ITGA7: variants seen among roughly 807,000 people sequenced by gnomAD.
ITGA7 encodes the protein integrin subunit alpha 7.
In ITGA7, 84 loss-of-function variants were observed where a neutral mutation model predicts 131.6. The ratio of observed to expected loss-of-function variants is 0.64; its 90% CI spans 0.54 to 0.77. The LOEUF is 0.77. ITGA7 is among the 30% of genes least tolerant of loss of function. The pLI is 0.00. For missense variants in ITGA7, 1,399 were observed against 1,482.9 expected (o/e 0.94, Z 0.93); for synonymous variants, 548 against 600.7 (o/e 0.91, Z 1.28).
At chr12:55,707,332 G>C (rs7304662) in intron 1 of ITGA7, 145 bp downstream of exon 1, 9 of 682,904 alleles carry the variant, frequency 1.3e-5, no homozygotes, top group Non-Finnish European at 2.3e-5. Context: ...GATGAGGCAA[G>C]GCTCCAGGTT....
chr12:55,685,651 G>C (rs940711882), intron 24 of ITGA7, among the ~76,000 whole-genome samples: 8 of 152,202 alleles, frequency 5.3e-5, no homozygotes, highest in Admixed American at 5.2e-4. Context: ...CAAGACCTGA[G>C]GAAGAAAATG....
intron 21 of ITGA7, 76 bp from the exon 22 acceptor site, chr12:55,689,033 T>A: frequency 8.6e-7 from 1 of 1,160,884 alleles, no homozygotes; most frequent in South Asian, 1.3e-5. Context: ...CCATTTTCCT[T>A]ACTTGACCTC....
At chr12:55,708,089 C>T, upstream of ITGA7, 1 of 955,408 alleles carries the variant, frequency 1.0e-6, no homozygotes, top group South Asian at 4.8e-5. Flanking sequence ...CCGTCTCCGG[C>T]TCCGCCCCTG....
chr12:55,699,714 G>T, intron 5 of ITGA7, 156 bp downstream of exon 5: 1 of 995,480 alleles, frequency 1.0e-6, no homozygotes, highest in Non-Finnish European at 1.5e-6. Context: ...CTGATCATTG[G>T]ACCCAGCTCT....
upstream of ITGA7, among the ~76,000 whole-genome samples, chr12:55,708,499 G>T (rs974876246): frequency 6.6e-6 from 1 of 152,050 alleles, no homozygotes; most frequent in Non-Finnish European, 1.5e-5. Context: ...AGAAAAAGAG[G>T]CAAGAAGAGA....
intron 24 of ITGA7, chr12:55,686,124 G>T: frequency 1.3e-6 from 1 of 780,024 alleles, no homozygotes; most frequent in Non-Finnish European, 1.9e-6. Context: ...CTGATCCCCT[G>T]AATGCTGGGA....
rs1179590431 is a variant in ITGA7, at chr12:55,697,832, CA to C, written c.1282-11del. 1 of 1,613,962 alleles carries C rather than the reference CA, an allele frequency of 6.2e-7. No individual in the cohort carries two copies. Among genetic ancestry groups the C allele is most frequent in the Non-Finnish European group, 8.5e-7 (1 of 1,180,014 alleles). On this transcript the variant is annotated splice_polypyrimidine_tract_variant and intron_variant, in intron 8 of 24. Transcript: ENST00000257879. ...CCTCGCCCTCCAGCACCTAGAGAAC[CA>C]GCTGTCAGCCTCCCTCAATCCCACC...
Position 55,698,413 on chromosome 12 carries a change from G to C in ITGA7, c.1162C>G (p.Leu388Val), listed in dbSNP as rs530060949. 3 of 1,613,594 alleles carry C rather than the reference G, an allele frequency of 1.9e-6. No individual in the cohort carries two copies. Among genetic ancestry groups the C allele is most frequent in the Non-Finnish European group, 2.5e-6 (3 of 1,179,704 alleles). Reference protein sequence around the residue: ...DSMFGISLAVLGDLNQDGFPD... With the variant: ...DSMFGISLAVVGDLNQDGFPD... ...AAGCCATCTTGGTTGAGGTCCCCCA[G>C]GACAGCCAGGCTGATCCCGAACATG... The change falls in exon 7 of 25, where the codon CTG becomes GTG. Residue 388 changes from leucine to valine, a missense_variant. Transcript: ENST00000257879.
chr12:55,688,093 G>T lies in ITGA7; in HGVS notation c.3061C>A (p.Pro1021Thr). 6.2e-7 allele frequency: 1 copy of T among 1,614,132 alleles called. No homozygotes were observed. The highest frequency in any genetic ancestry group is 2.2e-5 in the East Asian group (1 of 44,870). ...LMLRDASTVI[P>T]VMVYLDPMAV... Reference sequence around the variant, plus strand: ...ATGGGGTCCAAGTATACCATCACTGGGATCTGGGGAGCAAGGGGTCAATGG... The same window carrying T: ...ATGGGGTCCAAGTATACCATCACTGTGATCTGGGGAGCAAGGGGTCAATGG... Residue 1021 changes from proline (P) to threonine (T), a missense_variant, in exon 24 of 25, where the codon CCA (proline) becomes ACA (threonine). Transcript: ENST00000257879.
intron 21 of ITGA7, 131 bp downstream of exon 21, chr12:55,692,713 C>T: frequency 2.5e-6 from 3 of 1,220,306 alleles, no homozygotes; most frequent in East Asian, 2.6e-5. Context: ...CTCCCGGGCA[C>T]CCCCTCCTAT....
chr12:55,685,631 A>T (rs1301498095), intron 24 of ITGA7, among the ~76,000 whole-genome samples: 1 of 152,184 alleles, frequency 6.6e-6, no homozygotes, highest in Non-Finnish European at 1.5e-5. Context: ...AGTGTCCCCC[A>T]GAACACAAAC....
intron 19 of ITGA7, 52 bp from the exon 20 acceptor site, chr12:55,693,369 T>C: frequency 1.3e-6 from 2 of 1,487,940 alleles, no homozygotes; most frequent in South Asian, 1.2e-5. Context: ...TCTTTTTTTT[T>C]TTTTTTTAAT....
At chr12:55,714,517 C>CAAAAAAAAAAAAAAAAAAA (rs35046301), upstream of ITGA7, among the ~76,000 whole-genome samples, 4 of 120,482 alleles carry the variant, frequency 3.3e-5, no homozygotes, top group African/African-American at 1.7e-4. Flanking sequence ...GACTCCGTCT[C>CAAAAAAAAAAAAAAAAAAA]AAAAAAAAAA....
intron 14 of ITGA7, 33 bp downstream of exon 14, chr12:55,695,489 T>TC: frequency 1.1e-6 from 1 of 942,526 alleles, no homozygotes; most frequent in Non-Finnish European, 1.7e-6. Context: ...ACTCTTGCCC[T>TC]CCCACCCCCA....
At chr12:55,714,381 A>C (rs1431325355), upstream of ITGA7, among the ~76,000 whole-genome samples, 96 of 150,944 alleles carry the variant, frequency 6.4e-4, no homozygotes, top group East Asian at 0.017. Context: ...AGCCGGGCGT[A>C]GTGGCGGGCG....
chr12:55,715,036 T>G (rs1374679316), upstream of ITGA7, among the ~76,000 whole-genome samples: 1 of 152,068 alleles, frequency 6.6e-6, no homozygotes, highest in Admixed American at 6.5e-5. Flanking sequence ...AAATTTTGTA[T>G]TTTTAGTAGA....
rs766173576 is a variant in ITGA7, at chr12:55,703,171, C to A, written c.214G>T (p.Val72Leu). The A allele has an allele frequency of 6.2e-7, 1 of 1,610,088 alleles. No homozygotes were observed. Among genetic ancestry groups the A allele is most frequent in the Non-Finnish European group, 8.5e-7 (1 of 1,179,948 alleles). Reference protein sequence around the residue: ...LQPRPQSWLLVGAPQALALPG... With the variant: ...LQPRPQSWLLLGAPQALALPG... ...AGAGCCAGGGCCTGGGGAGCACCCA[C>A]CAGCAGCCTGCAAGATGGGGCAGGG... The change falls in exon 2 of 25, where the codon GTG (valine) becomes TTG (leucine). Residue 72 changes from valine to leucine, a missense_variant. By Grantham distance (32) the Val-to-Leu change is conservative (BLOSUM62 1). Coordinates refer to ENST00000257879, the MANE Select transcript of ITGA7 (RefSeq NM_002206.3).
intron 4 of ITGA7, chr12:55,700,369 GCA>G (rs1873708507): frequency 6.2e-7 from 1 of 1,609,316 alleles, no homozygotes; most frequent in Non-Finnish European, 8.5e-7. Context: ...TGAGCCCTGT[GCA>G]CAGAGCTCCA....
chr12:55,712,100 T>C (rs1005096871), upstream of ITGA7: 7 of 1,551,434 alleles, frequency 4.5e-6, no homozygotes, highest in Non-Finnish European at 6.1e-6. Context: ...GCCTCTGAAT[T>C]CTGGTTGTAG....
Sources: gnomAD v4.1 joint callset for allele counts (sites outside exome capture counted in the v4.1 genomes callset) on GRCh38, gnomAD v4.1.1 for gene constraint, MANE v1.5 for transcripts, NCBI Gene and HGNC (gene_info 2026-07-23, HGNC 2026-07-21) for gene names.